BIN2: variants seen among roughly 807,000 people sequenced by gnomAD.
The protein encoded by BIN2 is bridging integrator 2, also known as breast cancer associated protein BRAP1.
BIN2 carries 43 observed loss-of-function variants against 67.9 expected under a neutral mutation model. The observed-to-expected ratio is 0.63, with a 90% confidence interval of 0.50 to 0.82. The LOEUF (loss-of-function observed/expected upper bound fraction) is 0.82, where lower values mean the gene tolerates loss of function less well. Ranked by LOEUF, BIN2 falls within the 40% of genes least tolerant of loss-of-function variation. The pLI is 0.00. For missense variants in BIN2, 581 were observed against 671.6 expected (o/e 0.87, Z 1.49); for synonymous variants, 244 against 246.8 (o/e 0.99, Z 0.11).
intron 12 of BIN2, among the ~76,000 whole-genome samples, chr12:51,283,117 T>C (rs1282972188): frequency 1.3e-5 from 2 of 150,758 alleles, no homozygotes; most frequent in East Asian, 4.0e-4. Flanking sequence ...TAGCCAGGCA[T>C]GGTGGCGCCA....
intron 2 of BIN2, among the ~76,000 whole-genome samples, chr12:51,312,385 T>A (rs2137427342): frequency 6.6e-6 from 1 of 152,358 alleles, no homozygotes; most frequent in Middle Eastern, 3.4e-3. Flanking sequence ...AATCATGTAA[T>A]CCTTCTCATT....
rs1592290755 is a variant in BIN2, at chr12:51,324,119, G to A, written c.-17C>T. 6.2e-7 allele frequency: 1 copy of A among 1,611,914 alleles called. No individual in the cohort carries two copies. The highest frequency in any genetic ancestry group is 8.5e-7 in the Non-Finnish European group (1 of 1,179,008). On this transcript the variant is annotated 5_prime_UTR_variant, in exon 1 of 13. Transcript: ENST00000615107. ...CTCTGCCATCCTGCCAACTCCCTGG[G>A]GGCCGCCGCCCTGGCCCCGCGCCCT...
intron 9 of BIN2, among the ~76,000 whole-genome samples, chr12:51,295,500 T>C (rs1481776512): frequency 2.5e-4 from 37 of 146,084 alleles, no homozygotes; most frequent in African/African-American, 8.8e-4. Context: ...GAGGCGGAGC[T>C]TGCAGTGAGC....
intron 2 of BIN2, among the ~76,000 whole-genome samples, chr12:51,313,184 G>A (rs1946036190): frequency 8.8e-6 from 1 of 113,730 alleles, no homozygotes; most frequent in Non-Finnish European, 1.7e-5. Context: ...GTTGCAGTGA[G>A]AGGAAGGAAG....
intron 11 of BIN2, among the ~76,000 whole-genome samples, chr12:51,285,153 C>T (rs1945204585): frequency 6.6e-6 from 1 of 152,040 alleles, no homozygotes; most frequent in Non-Finnish European, 1.5e-5. Flanking sequence ...TTAGATGAAC[C>T]GTCCTCAAGA....
upstream of BIN2, chr12:51,324,201 G>A (rs1049054441): frequency 2.6e-6 from 4 of 1,523,116 alleles, no homozygotes; most frequent in Admixed American, 4.0e-5. Flanking sequence ...CCTCGCATCC[G>A]GCCCCAGCCC....
rs138541026 is a variant in BIN2 at position 51,314,017 on chromosome 12, CTTATTTATTTATTTATTTAT to C, written c.82-134_82-115del. The C allele has an allele frequency of 1.5e-4, 37 of 243,192 alleles. 1 individual carries two copies. Among genetic ancestry groups the C allele is most frequent in the African/African-American group, 2.0e-4 (8 of 40,864 alleles). 15.1% of individuals were successfully genotyped at this position (243,192 alleles called of 1,614,324 possible). A position where few individuals can be genotyped will look rare whatever the true frequency, so the allele number is the denominator to read the frequency against. On this transcript the variant is annotated intron_variant, in intron 1 of 12. Coordinates refer to ENST00000615107, the MANE Select transcript of BIN2 (RefSeq NM_016293.4). The stretch of plus-strand genomic sequence containing the variant: ...TCTCACTTACAACTCAAGGGCTGTA[CTTATTTATTTATTTATTTAT>C]TTATTTATTTATTTATTTATTTATT...
At chr12:51,308,851 G>T (rs887899602) in intron 2 of BIN2, among the ~76,000 whole-genome samples, 4 of 152,136 alleles carry the variant, frequency 2.6e-5, no homozygotes, top group Admixed American at 6.6e-5. Flanking sequence ...GGGTGCAGTG[G>T]CTCATGCCTG....
At chr12:51,303,001 C>T in intron 3 of BIN2, 86 bp downstream of exon 3, 1 of 1,460,554 alleles carries the variant, frequency 6.8e-7, no homozygotes, top group South Asian at 1.1e-5. Flanking sequence ...TGACAAAAAC[C>T]TGGGGGTATG....
chr12:51,297,339 T>A, intron 7 of BIN2, 175 bp from the exon 8 acceptor site: 2 of 546,098 alleles, frequency 3.7e-6, no homozygotes, highest in East Asian at 3.3e-5. Context: ...GAGGCCAAGG[T>A]GGGCGTATCA....
At chr12:51,302,599 T>A (rs1945756178) in intron 4 of BIN2, 87 bp downstream of exon 4, 1 of 1,156,906 alleles carries the variant, frequency 8.6e-7, no homozygotes, top group East Asian at 2.4e-5. Context: ...TTTGTTTTCC[T>A]ATTTTCTTGG....
upstream of BIN2, chr12:51,324,623 A>G (rs549674816): frequency 1.6e-6 from 2 of 1,279,376 alleles, no homozygotes; most frequent in East Asian, 2.8e-5. Context: ...GATAGAGTGC[A>G]GAAAGCAGGC....
intron 3 of BIN2, 77 bp from the exon 4 acceptor site, chr12:51,302,857 T>C (rs1353565629): frequency 3.0e-6 from 4 of 1,326,688 alleles, no homozygotes; most frequent in Non-Finnish European, 4.3e-6. Flanking sequence ...GACAAATCAG[T>C]GGTTCCAATT....
intron 1 of BIN2, among the ~76,000 whole-genome samples, chr12:51,316,860 TTACTAC>T (rs1247852523): frequency 6.6e-6 from 1 of 152,114 alleles, no homozygotes; most frequent in Non-Finnish European, 1.5e-5. Flanking sequence ...TGTTGTTTTA[TTACTAC>T]TACTACTATT....
At chr12:51,305,364 G>A (rs918378211) in intron 2 of BIN2, among the ~76,000 whole-genome samples, 5 of 151,652 alleles carry the variant, frequency 3.3e-5, no homozygotes, top group East Asian at 1.9e-4. Context: ...AGTGGCTCAC[G>A]CCTGTAATCC....
At chr12:51,323,641 T>G (rs182811597) in intron 1 of BIN2, among the ~76,000 whole-genome samples, 70 of 152,254 alleles carry the variant, frequency 4.6e-4, no homozygotes, top group African/African-American at 1.5e-3. Flanking sequence ...TACCCTCCAA[T>G]TTCATCATCT....
intron 1 of BIN2, among the ~76,000 whole-genome samples, chr12:51,315,633 G>T (rs543688739): frequency 1.2e-4 from 18 of 152,270 alleles, no homozygotes; most frequent in African/African-American, 4.3e-4. Flanking sequence ...ATAGCCATAG[G>T]TTCCTCTAGA....
At chr12:51,305,642 A>C (rs1214184342) in intron 2 of BIN2, among the ~76,000 whole-genome samples, 2 of 151,506 alleles carry the variant, frequency 1.3e-5, no homozygotes, top group Non-Finnish European at 2.9e-5. Context: ...AAAAAATGAG[A>C]AAAAAAGGAA....
chr12:51,283,074 G>A (rs987165060), intron 12 of BIN2, among the ~76,000 whole-genome samples: 1 of 151,078 alleles, frequency 6.6e-6, no homozygotes, highest in Non-Finnish European at 1.5e-5. Context: ...GACCAACATG[G>A]TGAAACCCTG....
Sources: allele counts gnomAD v4.1 joint callset (sites outside exome capture counted in the v4.1 genomes callset), GRCh38; gene constraint gnomAD v4.1.1; transcripts MANE v1.5; gene names NCBI Gene and HGNC (gene_info 2026-07-23, HGNC 2026-07-21).